Variants in ARMC1 observed in about 807,000 individuals in gnomAD.
ARMC1 encodes the protein armadillo repeat containing 1.
A neutral mutation model predicts 31.4 loss-of-function variants in ARMC1; 16 were observed. The observed-to-expected ratio is 0.51, with a 90% CI of 0.34 to 0.77. The LOEUF (loss-of-function observed/expected upper bound fraction) is 0.77, where lower values mean the gene tolerates loss of function less well. ARMC1 is among the 30% of genes least tolerant of loss of function. ARMC1 has a pLI of 0.01. For missense variants in ARMC1, 259 were observed against 347.5 expected (o/e 0.75, Z 2.02); for synonymous variants, 114 against 118.9 (o/e 0.96, Z 0.27).
At chr8:65,629,478 A>G (rs1290332197) in intron 1 of ARMC1, among the ~76,000 whole-genome samples, 1 of 152,176 alleles carries the variant, frequency 6.6e-6, no homozygotes, top group African/African-American at 2.4e-5. Context: ...TTTGACATCT[A>G]TTGCACAAGA....
chr8:65,631,413 T>C (rs1167124339), intron 1 of ARMC1, among the ~76,000 whole-genome samples: 1 of 152,230 alleles, frequency 6.6e-6, no homozygotes, highest in East Asian at 1.9e-4. Context: ...TTTTTATTTT[T>C]AGTAGAGACG....
At chr8:65,612,829 T>C (rs959398975) in intron 4 of ARMC1, among the ~76,000 whole-genome samples, 6 of 151,996 alleles carry the variant, frequency 3.9e-5, no homozygotes, top group Non-Finnish European at 8.8e-5. Flanking sequence ...ACCACTGTGC[T>C]CCAGCCTGGG....
intron 4 of ARMC1, among the ~76,000 whole-genome samples, chr8:65,607,035 G>A (rs1808019713): frequency 6.6e-6 from 1 of 152,214 alleles, no homozygotes; most frequent in Non-Finnish European, 1.5e-5. Context: ...TGACCCACGT[G>A]CCAAATCTGT....
chr8:65,605,276 T>C lies in ARMC1; in HGVS notation c.644A>G (p.Glu215Gly), dbSNP rs111271002. The C allele has an allele frequency of 6.2e-7, 1 of 1,613,256 alleles. No individual in the cohort carries two copies. ...CACAACTTTTACCTCTTCTCCACTTTCACTTTTCACAACTTGCTGAGCTTT... is the reference window on the plus strand; with the variant it reads ...CACAACTTTTACCTCTTCTCCACTTCCACTTTTCACAACTTGCTGAGCTTT... ...VMKAQQVVKS[E>G]SGEEMLVPFQ... Residue 215 changes from glutamate to glycine, a missense_variant, in exon 6 of 7, where the codon GAA becomes GGA. Around this residue, in one of 3 missense-constraint regions of ARMC1, gnomAD observed 73 missense variants for 100.0 expected, o/e 0.73. Transcript: ENST00000276569.
chr8:65,627,323 C>T lies in ARMC1; in HGVS notation c.76G>A (p.Ala26Thr). The T allele has an allele frequency of 6.2e-7, 1 of 1,613,314 alleles. No individual in the cohort carries two copies. The highest frequency in any genetic ancestry group is 1.3e-5 in the African/African-American group (1 of 75,020). Reference sequence around the variant, plus strand: ...ATGGCTCTTCTGTTTAACGGATCTGCTGCTAGATCCCGTAACTGGTTAACT... The same window carrying T: ...ATGGCTCTTCTGTTTAACGGATCTGTTGCTAGATCCCGTAACTGGTTAACT... ...SVVNQLRDLAADPLNRRAIVQ... is the reference protein window; with the variant it reads ...SVVNQLRDLATDPLNRRAIVQ... Residue 26 changes from alanine to threonine, a missense_variant, in exon 2 of 7, where the codon GCA (alanine) becomes ACA (threonine). Physicochemically the swap from Ala to Thr is moderately conservative, Grantham distance 58 (BLOSUM62 0). Coordinates refer to ENST00000276569, the MANE Select transcript of ARMC1 (RefSeq NM_018120.6).
intron 5 of ARMC1, 25 bp from the exon 6 acceptor site, chr8:65,605,362 T>C (rs1209753321): frequency 3.1e-6 from 5 of 1,613,258 alleles, no homozygotes; most frequent in Non-Finnish European, 4.2e-6. Context: ...AAAGGAACAA[T>C]TTTGAAATTG....
intron 3 of ARMC1, among the ~76,000 whole-genome samples, chr8:65,621,029 T>G (rs1370247366): frequency 6.6e-6 from 1 of 152,028 alleles, no homozygotes; most frequent in African/African-American, 2.4e-5. Flanking sequence ...GCTTGGGAGG[T>G]TGAGGCTGCA....
intron 2 of ARMC1, among the ~76,000 whole-genome samples, chr8:65,623,879 C>A (rs895847197): frequency 3.2e-5 from 4 of 125,570 alleles, no homozygotes; most frequent in Admixed American, 9.5e-5. Context: ...CCTACTGCAA[C>A]CTCCACCCCC....
chr8:65,604,548 T>G lies in ARMC1; in HGVS notation c.695A>C (p.Glu232Ala), dbSNP rs1005677095. Residue 232 changes from glutamate (E) to alanine (A), a missense_variant, in exon 7 of 7, where the codon GAA becomes GCA. By Grantham distance (107) the Glu-to-Ala change is moderately radical. This residue lies in a region of ARMC1 where 73 missense variants were observed against 100.0 expected (regional missense o/e 0.73). Transcript: ENST00000276569. ...GTAGTCAGGTAGCTCTGTGTTCTGT[T>G]CAACTTCCACAGGAGTATCTTGGAA... ...VPFQDTPVEV[E>A]QNTELPDYLP... The G allele has an allele frequency of 3.1e-6, 5 of 1,614,008 alleles. No homozygotes were observed. Among genetic ancestry groups the G allele is most frequent in the Non-Finnish European group, 4.2e-6 (5 of 1,180,036 alleles).
chr8:65,613,602 A>G (rs1468233053), intron 3 of ARMC1, among the ~76,000 whole-genome samples, 169 bp from the exon 4 acceptor site: 2 of 152,238 alleles, frequency 1.3e-5, no homozygotes, highest in Non-Finnish European at 2.9e-5. Context: ...CATCTTGTCT[A>G]TAATAATCTT....
intron 1 of ARMC1, among the ~76,000 whole-genome samples, chr8:65,628,557 G>A (rs925811340): frequency 1.3e-5 from 2 of 148,640 alleles, no homozygotes; most frequent in South Asian, 2.2e-4. Flanking sequence ...TCATACTTTC[G>A]TTTTAAAATC....
In ARMC1 at chr8:65,603,131, T is replaced by C. The variant is rs1807929259; in HGVS notation, c.*1263A>G. ...ATTAATATGTATCTGGATTTATTAA[T>C]TTCCAAAAAGAAAATTTTAGTTACC... is the stretch of plus-strand genomic sequence containing the variant. On this transcript the variant is annotated 3_prime_UTR_variant, in exon 7 of 7. Coordinates refer to ENST00000276569, the MANE Select transcript of ARMC1 (RefSeq NM_018120.6). 6.6e-6 allele frequency: 1 copy of C among 152,186 alleles called. No individual in the cohort carries two copies. Among genetic ancestry groups the C allele is most frequent in the Non-Finnish European group, 1.5e-5 (1 of 68,020 alleles). 9.4% of individuals were successfully genotyped at this position (152,186 alleles called of 1,614,324 possible).
intron 1 of ARMC1, among the ~76,000 whole-genome samples, chr8:65,628,328 T>C (rs1479263039): frequency 6.7e-6 from 1 of 149,684 alleles, no homozygotes; most frequent in Non-Finnish European, 1.5e-5. Flanking sequence ...CTCAGCTCAC[T>C]ACAACCTCCG....
chr8:65,618,261 G>T (rs1046654973), intron 3 of ARMC1, among the ~76,000 whole-genome samples: 1 of 151,554 alleles, frequency 6.6e-6, no homozygotes, highest in East Asian at 2.0e-4. Context: ...AGTGGCTCAC[G>T]CCTGTAATCC....
chr8:65,612,578 T>C (rs982601360), intron 4 of ARMC1, among the ~76,000 whole-genome samples: 13 of 152,086 alleles, frequency 8.5e-5, no homozygotes, highest in Admixed American at 8.5e-4. Flanking sequence ...AAGAACATGC[T>C]TTGGGCCGGG....
At position 65,625,173 on chromosome 8, in the gene ARMC1, C is replaced by T. The variant is rs200897026; in HGVS notation, c.183+2043G>A. On this transcript the variant is annotated intron_variant, in intron 2 of 6. Transcript: ENST00000276569. Reference sequence around the variant, plus strand: ...CTTCAGCCTCTTGGGAACTTTCACTCACTGATCCCTCTCCTTAGCTCTGTC... The same window carrying T: ...CTTCAGCCTCTTGGGAACTTTCACTTACTGATCCCTCTCCTTAGCTCTGTC... Among the ~76,000 whole-genome samples, 27 of 152,248 alleles carry T rather than the reference C, an allele frequency of 1.8e-4. No homozygotes were observed. In the East Asian group the frequency reaches 2.7e-3, roughly 15 times the overall value.
At chr8:65,615,165 C>A (rs554796569) in intron 3 of ARMC1, among the ~76,000 whole-genome samples, 3 of 152,110 alleles carry the variant, frequency 2.0e-5, no homozygotes, top group African/African-American at 7.2e-5. Context: ...ATATCAAGTG[C>A]TTTTCTGAGC....
chr8:65,611,889 T>G (rs540592690), intron 4 of ARMC1, among the ~76,000 whole-genome samples: 1 of 152,042 alleles, frequency 6.6e-6, no homozygotes, highest in Admixed American at 6.6e-5. Flanking sequence ...TTCTCCTGCC[T>G]CAGCCTCCCG....
chr8:65,623,217 A>G (rs1006152419), intron 2 of ARMC1, among the ~76,000 whole-genome samples: 1 of 144,992 alleles, frequency 6.9e-6, no homozygotes, highest in African/African-American at 2.6e-5. Flanking sequence ...CTGAGGCAGG[A>G]GAATTGCTTG....
Sources: gnomAD v4.1 joint callset for allele counts (sites outside exome capture counted in the v4.1 genomes callset) on GRCh38, gnomAD v4.1.1 for gene constraint, gnomAD v4.1.1 regional missense constraint, MANE v1.5 for transcripts, NCBI Gene and HGNC (gene_info 2026-07-23, HGNC 2026-07-21) for gene names.